The following DCHS2 variants were observed in gnomAD, a reference collection of about 807,000 sequenced individuals.
DCHS2 encodes the protein dachsous cadherin-related 2.
A neutral mutation model predicts 182.4 loss-of-function variants in DCHS2; 142 were observed. The observed-to-expected ratio is 0.78, with a 90% CI of 0.68 to 0.89. DCHS2 has a LOEUF of 0.89. Among genes scored for constraint, DCHS2 ranks in the 40% least tolerant of loss-of-function variants. The pLI is 0.00. For missense variants in DCHS2, 4,319 were observed against 4,198.6 expected, an observed-to-expected ratio of 1.03 and a Z score of -0.79; for synonymous variants, 1,740 against 1,663.3, an observed-to-expected ratio of 1.05 and a Z score of -1.12.
rs201653751 is a variant in DCHS2, at chr4:154,259,504, A to C, written c.6789+41T>G. The C allele has an allele frequency of 6.8e-5, 84 of 1,227,430 alleles. No homozygotes were observed. The highest frequency in any genetic ancestry group is 2.5e-4 in the East Asian group (8 of 31,392). The allele number at this position is 1,227,430 out of a possible 1,614,324, so 76.0% of individuals were successfully genotyped here. ...CTCTCTCTCACACAGACACACCCAC[A>C]CACACACACACACACACACACACAA... On this transcript the variant is annotated intron_variant, in intron 15 of 19. Transcript: ENST00000357232.
chr4:154,348,649 C>CA (rs1159571971), intron 3 of DCHS2, among the ~76,000 whole-genome samples: 2 of 151,834 alleles, frequency 1.3e-5, no homozygotes, highest in Non-Finnish European at 2.9e-5. Flanking sequence ...GAAGGACATG[C>CA]AAAAATGGAA....
intron 3 of DCHS2, chr4:154,352,385 G>A (rs992147983): frequency 6.6e-6 from 1 of 152,172 alleles, no homozygotes. Flanking sequence ...ATCGCAGAAG[G>A]TGTTGAATCT....
chr4:154,303,911 T>C (rs1735323257), intron 12 of DCHS2, among the ~76,000 whole-genome samples: 1 of 152,194 alleles, frequency 6.6e-6, no homozygotes, highest in African/African-American at 2.4e-5. Context: ...GAATTCCTTA[T>C]TCCCTTTGTG....
At chr4:154,346,814 A>G (rs556973911) in intron 3 of DCHS2, among the ~76,000 whole-genome samples, 52 of 152,034 alleles carry the variant, frequency 3.4e-4, no homozygotes, top group African/African-American at 8.0e-4. Context: ...ACTCATTTGC[A>G]TTTTAAACCC....
At chr4:154,361,645 C>T (rs749063402) in intron 3 of DCHS2, among the ~76,000 whole-genome samples, 9 of 151,986 alleles carry the variant, frequency 5.9e-5, no homozygotes, top group Non-Finnish European at 1.2e-4. Flanking sequence ...GGCGCCTAAA[C>T]ACATTTTACA....
In DCHS2 at chr4:154,338,601, G is replaced by C. The variant is rs190818084; in HGVS notation, c.2477-3497C>G. ...TTAATTGTTCACACTCAATAACTCAGAAATCTACTCTATATTTGTGTAAGT... is the reference window on the plus strand; with the variant it reads ...TTAATTGTTCACACTCAATAACTCACAAATCTACTCTATATTTGTGTAAGT... On this transcript the variant is annotated intron_variant, in intron 3 of 19. Coordinates refer to ENST00000357232, the MANE Select transcript of DCHS2 (RefSeq NM_001358235.2). 1.5e-3 allele frequency among the ~76,000 whole-genome samples: 232 copies of C among 152,210 alleles called. 4 individuals are homozygous for C. In the South Asian group the frequency reaches 0.018, roughly 12 times the overall value.
chr4:154,321,184 C>A lies in DCHS2; in HGVS notation c.4215G>T (p.Gln1405His). Residue 1405 changes from glutamine (Q) to histidine (H), a missense_variant, in exon 9 of 20, where the codon CAG (glutamine) becomes CAT (histidine). Gln to His is a conservative substitution (Grantham distance 24). Coordinates refer to ENST00000357232, the MANE Select transcript of DCHS2 (RefSeq NM_001358235.2). ...PLSKGRAIMSQNIRHLIIPEN... is the reference protein window; with the variant it reads ...PLSKGRAIMSHNIRHLIIPEN... Reference sequence around the variant, plus strand: ...CTGGTATAATTAAATGTCTAATATTCTGAGACATGATTGCTCTCCCTTTGG... The same window carrying A: ...CTGGTATAATTAAATGTCTAATATTATGAGACATGATTGCTCTCCCTTTGG... 1 of 1,570,396 alleles carries A rather than the reference C, an allele frequency of 6.4e-7. No individual in the cohort carries two copies. The highest frequency in any genetic ancestry group is 1.2e-5 in the South Asian group (1 of 84,220).
intron 3 of DCHS2, among the ~76,000 whole-genome samples, chr4:154,365,831 A>G (rs1458808608): frequency 6.7e-6 from 1 of 150,208 alleles, no homozygotes; most frequent in Non-Finnish European, 1.5e-5. Flanking sequence ...TTTTTTTTTA[A>G]TAGAACCAGG....
intron 9 of DCHS2, among the ~76,000 whole-genome samples, chr4:154,316,302 T>C (rs1258647570): frequency 1.3e-5 from 2 of 152,202 alleles, no homozygotes; most frequent in African/African-American, 4.8e-5. Context: ...TTAAAAAATA[T>C]CTAGGATACT....
At chr4:154,451,271 G>A (rs1167589668) in intron 1 of DCHS2, among the ~76,000 whole-genome samples, 1 of 152,150 alleles carries the variant, frequency 6.6e-6, no homozygotes, top group Non-Finnish European at 1.5e-5. Flanking sequence ...GCAAAGCCCT[G>A]CCATTCTCTG....
intron 1 of DCHS2, among the ~76,000 whole-genome samples, chr4:154,454,289 G>C (rs1373903374): frequency 6.6e-6 from 1 of 152,018 alleles, no homozygotes; most frequent in East Asian, 1.9e-4. Flanking sequence ...TATCACCCAG[G>C]CTGAAGTTCA....
chr4:154,421,749 C>T (rs960868210), intron 1 of DCHS2, among the ~76,000 whole-genome samples: 2 of 152,222 alleles, frequency 1.3e-5, no homozygotes, highest in Admixed American at 1.3e-4. Context: ...CACTACCTTG[C>T]ACCCATTTTC....
chr4:154,256,293 C>T (rs956984994), intron 15 of DCHS2, among the ~76,000 whole-genome samples: 1 of 151,990 alleles, frequency 6.6e-6, no homozygotes, highest in African/African-American at 2.4e-5. Context: ...GCCACCATGC[C>T]CAGCTAATTT....
intron 1 of DCHS2, among the ~76,000 whole-genome samples, chr4:154,456,356 G>A (rs1487938318): frequency 1.3e-5 from 2 of 152,166 alleles, no homozygotes; most frequent in Non-Finnish European, 2.9e-5. Flanking sequence ...CAGTGCAGTA[G>A]CTGCTGATGA....
chr4:154,335,474 C>T (rs1200768095), intron 3 of DCHS2, among the ~76,000 whole-genome samples: 1 of 152,188 alleles, frequency 6.6e-6, no homozygotes, highest in Non-Finnish European at 1.5e-5. Context: ...ATTGGCTCTT[C>T]CTAGGTCTCG....
At chr4:154,343,534 C>T in intron 3 of DCHS2, 1 of 1,521,420 alleles carries the variant, frequency 6.6e-7, no homozygotes, top group Non-Finnish European at 8.8e-7. Flanking sequence ...GCACTTGCTG[C>T]TTCATCTTGC....
intron 5 of DCHS2, chr4:154,331,747 C>A (rs375668821): frequency 9.2e-5 from 147 of 1,591,668 alleles, no homozygotes; most frequent in Non-Finnish European, 1.2e-4. Flanking sequence ...CTCATCTTAC[C>A]AGCTCCATGA....
At chr4:154,265,905 T>C (rs1733232012) in intron 14 of DCHS2, among the ~76,000 whole-genome samples, 1 of 152,202 alleles carries the variant, frequency 6.6e-6, no homozygotes, top group African/African-American at 2.4e-5. Flanking sequence ...AAACTGTGGA[T>C]GGTACCAAAC....
chr4:154,371,943 C>T (rs536983313), intron 2 of DCHS2, among the ~76,000 whole-genome samples: 19 of 152,170 alleles, frequency 1.2e-4, no homozygotes, highest in East Asian at 9.7e-4. Flanking sequence ...GATTACAATT[C>T]GACATGAGAT....
Sources: gnomAD v4.1 joint callset for allele counts (sites outside exome capture counted in the v4.1 genomes callset) on GRCh38, gnomAD v4.1.1 for gene constraint, MANE v1.5 for transcripts, NCBI Gene and HGNC (gene_info 2026-07-23, HGNC 2026-07-21) for gene names.